The following SCN10A variants were observed in gnomAD, a reference collection of about 807,000 sequenced individuals.
The protein encoded by SCN10A is sodium channel protein type 10 subunit alpha.
A neutral mutation model predicts 170.7 loss-of-function variants in SCN10A; 162 were observed. The observed-to-expected ratio is 0.95, with a 90% CI of 0.84 to 1.08. SCN10A has a LOEUF of 1.08. SCN10A is among the 50% of genes least tolerant of loss of function. SCN10A has a pLI of 0.00. For missense variants in SCN10A, 2,527 were observed against 2,436.9 expected, an observed-to-expected ratio of 1.04 and a Z score of -0.78; for synonymous variants, 985 against 904.6, an observed-to-expected ratio of 1.09 and a Z score of -1.59.
chr3:38,785,943 A>C (rs950534902), intron 4 of SCN10A, among the ~76,000 whole-genome samples: 3 of 152,276 alleles, frequency 2.0e-5, no homozygotes, highest in Non-Finnish European at 4.4e-5. Context: ...GTCTCATACC[A>C]GTTAGAATGG....
intron 5 of SCN10A, among the ~76,000 whole-genome samples, chr3:38,765,326 G>T (rs1328417880): frequency 6.6e-6 from 1 of 152,106 alleles, no homozygotes; most frequent in Non-Finnish European, 1.5e-5. Context: ...TTATCTTCTA[G>T]AATTTTTTAT....
chr3:38,793,095 T>A (rs778206648), intron 2 of SCN10A, among the ~76,000 whole-genome samples: 1 of 152,028 alleles, frequency 6.6e-6, no homozygotes. Flanking sequence ...TGTGTATATA[T>A]ATCTCATATT....
intron 26 of SCN10A, among the ~76,000 whole-genome samples, chr3:38,706,185 C>A (rs1306358857): frequency 1.3e-5 from 2 of 152,116 alleles, no homozygotes; most frequent in African/African-American, 4.8e-5. Context: ...TCACTTTTTT[C>A]TCTTGTAAAT....
chr3:38,773,497 GA>G (rs1226165883), intron 4 of SCN10A, among the ~76,000 whole-genome samples: 6 of 152,014 alleles, frequency 3.9e-5, no homozygotes, highest in Non-Finnish European at 7.4e-5. Flanking sequence ...ATTCCCATAG[GA>G]AAAAAATGAT....
At chr3:38,744,930 A>T (rs1414097719) in intron 13 of SCN10A, among the ~76,000 whole-genome samples, 1 of 152,244 alleles carries the variant, frequency 6.6e-6, no homozygotes, top group Non-Finnish European at 1.5e-5. Context: ...TAGAAACTAC[A>T]GATGTCCAAA....
intron 4 of SCN10A, among the ~76,000 whole-genome samples, chr3:38,785,113 A>G (rs575476915): frequency 1.3e-5 from 2 of 152,332 alleles, no homozygotes; most frequent in East Asian, 3.9e-4. Context: ...GACTTTCTTC[A>G]CAGAATTAGA....
At chr3:38,711,259 C>G (rs2063270728) in intron 23 of SCN10A, among the ~76,000 whole-genome samples, 1 of 152,118 alleles carries the variant, frequency 6.6e-6, no homozygotes, top group Non-Finnish European at 1.5e-5. Context: ...AGCCACTTTC[C>G]CACCTTATGC....
At chr3:38,778,653 C>T (rs546972113) in intron 4 of SCN10A, among the ~76,000 whole-genome samples, 1 of 151,918 alleles carries the variant, frequency 6.6e-6, no homozygotes, top group Non-Finnish European at 1.5e-5. Flanking sequence ...GTTTCTGATT[C>T]CTCACTGGCT....
chr3:38,772,397 A>G (rs1357173853), intron 4 of SCN10A, among the ~76,000 whole-genome samples: 1 of 152,104 alleles, frequency 6.6e-6, no homozygotes, highest in Non-Finnish European at 1.5e-5. Context: ...TTAGAGAAAT[A>G]AAACTGTATT....
chr3:38,742,620 A>G (rs757269251), intron 13 of SCN10A, 91 bp from the exon 14 acceptor site: 6 of 911,510 alleles, frequency 6.6e-6, no homozygotes, highest in South Asian at 1.4e-5. Context: ...GTTGTTAATA[A>G]TAAGTACCAC....
intron 1 of SCN10A, among the ~76,000 whole-genome samples, chr3:38,801,113 A>C (rs542840553): frequency 7.9e-5 from 12 of 152,260 alleles, no homozygotes; most frequent in African/African-American, 1.4e-4. Context: ...GGCAAGACAG[A>C]GGGTTCTTCC....
intron 21 of SCN10A, among the ~76,000 whole-genome samples, chr3:38,717,966 A>C (rs1559419513): frequency 6.6e-6 from 1 of 152,230 alleles, no homozygotes; most frequent in Non-Finnish European, 1.5e-5. Flanking sequence ...CAATTCTCTA[A>C]TGCAGGGATT....
chr3:38,741,065 C>T (rs2063626169), intron 14 of SCN10A, among the ~76,000 whole-genome samples: 1 of 152,156 alleles, frequency 6.6e-6, no homozygotes, highest in Non-Finnish European at 1.5e-5. Flanking sequence ...CCTTTCACAG[C>T]CCTGGATTAT....
chr3:38,787,248 TA>T (rs2064216548), intron 4 of SCN10A, among the ~76,000 whole-genome samples: 1 of 152,172 alleles, frequency 6.6e-6, no homozygotes, highest in African/African-American at 2.4e-5. Flanking sequence ...TATACTTTGA[TA>T]ATCTTATTCC....
intron 1 of SCN10A, among the ~76,000 whole-genome samples, chr3:38,812,699 C>T (rs1237501796): frequency 6.6e-6 from 1 of 152,116 alleles, no homozygotes; most frequent in African/African-American, 2.4e-5. Context: ...CCTGTCACTG[C>T]ACTCTGGGCA....
At chr3:38,776,707 G>T (rs1420996428) in intron 4 of SCN10A, among the ~76,000 whole-genome samples, 1 of 152,068 alleles carries the variant, frequency 6.6e-6, no homozygotes, top group African/African-American at 2.4e-5. Context: ...GAATTGCTCT[G>T]CTAAACAAAG....
chr3:38,804,579 A>G (rs1247766131), intron 1 of SCN10A, among the ~76,000 whole-genome samples: 4 of 152,148 alleles, frequency 2.6e-5, no homozygotes, highest in African/African-American at 9.6e-5. Context: ...AGAAATCTGG[A>G]TGGGTATGTA....
rs4420804 is a variant in SCN10A, at chr3:38,771,217, C to T, written c.599+62G>A. On this transcript the variant is annotated intron_variant, in intron 5 of 27. Transcript: ENST00000449082. ...TGGGACCTGCATGTTAGCCCTGTCT[C>T]CTACCCACCATTTTGTCCCCTCTCC... 633,325 of 1,583,020 alleles carry T rather than the reference C, an allele frequency of 0.4. 128,698 individuals are homozygous for T. The highest frequency in any genetic ancestry group is 0.56 in the Admixed American group (32,731 of 58,954).
chr3:38,733,600 C>G (rs1292403362), intron 15 of SCN10A, among the ~76,000 whole-genome samples: 2 of 152,164 alleles, frequency 1.3e-5, no homozygotes, highest in Non-Finnish European at 2.9e-5. Context: ...TCTGCAGCCA[C>G]GACCTCCTGG....
Sources: allele counts gnomAD v4.1 joint callset (sites outside exome capture counted in the v4.1 genomes callset), GRCh38; gene constraint gnomAD v4.1.1; transcripts MANE v1.5; gene names NCBI Gene and HGNC (gene_info 2026-07-23, HGNC 2026-07-21).